FASTKD2: variants seen among roughly 807,000 people sequenced by gnomAD.
The protein encoded by FASTKD2 is FAST kinase domains 2.
In FASTKD2, 51 loss-of-function variants were observed where a neutral mutation model predicts 63.6. The ratio of observed to expected loss-of-function variants is 0.80; its 90% CI spans 0.64 to 1.01. FASTKD2 has a LOEUF of 1.01. FASTKD2 is among the 50% of genes least tolerant of loss of function. The pLI, the probability that FASTKD2 is intolerant of heterozygous loss-of-function variation, is 0.00. For synonymous variants in FASTKD2, 284 were observed against 293.4 expected, an observed-to-expected ratio of 0.97 and a Z score of 0.33; for missense variants, 786 against 831.1, an observed-to-expected ratio of 0.95 and a Z score of 0.67.
chr2:206,778,796 G>A (rs1332356406), intron 7 of FASTKD2, among the ~76,000 whole-genome samples: 1 of 152,054 alleles, frequency 6.6e-6, no homozygotes, highest in Non-Finnish European at 1.5e-5. Flanking sequence ...ATCAGCCATG[G>A]CATTAGGTTC....
chr2:206,788,273 T>G, intron 9 of FASTKD2, 118 bp downstream of exon 9: 1 of 662,650 alleles, frequency 1.5e-6, no homozygotes, highest in Non-Finnish European at 2.6e-6. Flanking sequence ...CCTCTGGAAC[T>G]GGCCTGATTC....
At position 206,794,266 on chromosome 2, in the gene FASTKD2, A is replaced by G. The variant is rs539168590; in HGVS notation, c.*2464A>G. On this transcript the variant is annotated 3_prime_UTR_variant, in exon 12 of 12. Coordinates refer to ENST00000402774, the MANE Select transcript of FASTKD2 (RefSeq NM_001136193.2). ...CACATAGAAAAAAATTAGGAAATAT[A>G]TTAAATGCTCATTTTGTGTGAGATA... Among the ~76,000 whole-genome samples the G allele has an allele frequency of 9.8e-5, 15 of 152,354 alleles. No homozygotes were observed. The South Asian group carries it at 3.1e-3, about 32-fold the overall frequency.
intron 7 of FASTKD2, among the ~76,000 whole-genome samples, chr2:206,776,142 T>A (rs530798542): frequency 6.6e-6 from 1 of 151,240 alleles, no homozygotes; most frequent in Non-Finnish European, 1.5e-5. Flanking sequence ...ATATATATAA[T>A]ATATATATTA....
chr2:206,769,326 T>G (rs1689605549), intron 2 of FASTKD2, among the ~76,000 whole-genome samples: 1 of 152,230 alleles, frequency 6.6e-6, no homozygotes, highest in Admixed American at 6.5e-5. Flanking sequence ...ACTTTGTGAT[T>G]CATTGGTTAT....
At position 206,790,749 on chromosome 2, in the gene FASTKD2, G is replaced by T; in HGVS notation, c.2013+63G>T. The T allele has an allele frequency of 3.0e-6, 3 of 987,766 alleles. No individual in the cohort carries two copies. In the South Asian group the frequency reaches 3.8e-5, roughly 13 times the overall value. 61.2% of individuals were successfully genotyped at this position (987,766 alleles called of 1,614,324 possible). On this transcript the variant is annotated intron_variant, in intron 11 of 11. Coordinates refer to ENST00000402774, the MANE Select transcript of FASTKD2 (RefSeq NM_001136193.2). ...TGATGTACATTCTAACAGCTGCCAG[G>T]AATCTTGTGGTTGAGACTGGTTACT...
At chr2:206,791,642 A>T (rs751560000) in intron 11 of FASTKD2, 41 bp from the exon 12 acceptor site, 2 of 1,594,944 alleles carry the variant, frequency 1.3e-6, no homozygotes, top group Non-Finnish European at 1.7e-6. Flanking sequence ...TTTTGTTAGT[A>T]TCGTCTCACA....
At position 206,795,862 on chromosome 2, in the gene FASTKD2, G is replaced by A. The variant is rs1690436600; in HGVS notation, c.*4060G>A. Among the ~76,000 whole-genome samples, 1 of 152,190 alleles carries A rather than the reference G, an allele frequency of 6.6e-6. No individual in the cohort carries two copies. Among genetic ancestry groups the A allele is most frequent in the African/African-American group, 2.4e-5 (1 of 41,430 alleles). ...ATTGTGGCTAAAATAATGTGGCTCT[G>A]GAGCCAGCAATGGGCAGCATCTTCA... On this transcript the variant is annotated 3_prime_UTR_variant, in exon 12 of 12. Transcript: ENST00000402774.
chr2:206,792,030 T>C lies in FASTKD2; in HGVS notation c.*228T>C. The C allele has an allele frequency of 3.8e-6, 2 of 522,130 alleles. No homozygotes were observed. The highest frequency in any genetic ancestry group is 6.9e-6 in the Non-Finnish European group (2 of 290,968). 32.3% of individuals were successfully genotyped at this position (522,130 alleles called of 1,614,324 possible). A position where few individuals can be genotyped will look rare whatever the true frequency, so the allele number is the denominator to read the frequency against. On this transcript the variant is annotated 3_prime_UTR_variant, in exon 12 of 12. Coordinates refer to ENST00000402774, the MANE Select transcript of FASTKD2 (RefSeq NM_001136193.2). The stretch of plus-strand genomic sequence containing the variant: ...TTCCAACCACACCTATTCCCTCTAG[T>C]GCCCAGATATTTGATTTGTGAGCTG...
intron 1 of FASTKD2, among the ~76,000 whole-genome samples, chr2:206,766,000 C>T (rs115405650): frequency 0.013 from 2,009 of 152,098 alleles, 50 homozygotes; most frequent in African/African-American, 0.046. Flanking sequence ...ATCAGCCGGG[C>T]GCGGTGACTC....
intron 4 of FASTKD2, 61 bp downstream of exon 4, chr2:206,771,351 A>C: frequency 1.0e-6 from 1 of 990,700 alleles, no homozygotes; most frequent in Non-Finnish European, 1.6e-6. Flanking sequence ...ATAACCTGCT[A>C]TCACTGCCTG....
chr2:206,772,807 G>T (rs1003032606), intron 6 of FASTKD2, among the ~76,000 whole-genome samples: 1 of 152,142 alleles, frequency 6.6e-6, no homozygotes, highest in African/African-American at 2.4e-5. Flanking sequence ...ATAGGTGAAT[G>T]TAAGTGTTCT....
At chr2:206,770,900 A>G (rs1423744292) in intron 3 of FASTKD2, among the ~76,000 whole-genome samples, 1 of 152,116 alleles carries the variant, frequency 6.6e-6, no homozygotes, top group Non-Finnish European at 1.5e-5. Flanking sequence ...TGAGAGTAAA[A>G]CTTAACTCCC....
At chr2:206,788,548 A>G (rs1368336315) in intron 9 of FASTKD2, among the ~76,000 whole-genome samples, 1 of 151,978 alleles carries the variant, frequency 6.6e-6, no homozygotes, top group Non-Finnish European at 1.5e-5. Flanking sequence ...AGCCTGACCA[A>G]ATGGTAAAAT....
chr2:206,766,975 C>T lies in FASTKD2; in HGVS notation c.282C>T (p.Gly94=). The part of the protein sequence containing the change: ...FKSDVGFQTK[G]ISTLTALRIE... ...CAGATGTTGGCTTTCAAACAAAGGG[C>T]ATAAGCACTCTAACAGCCCTTAGAA... The change falls in exon 2 of 12, where the codon GGC becomes GGT. Residue 94 remains glycine (G), a synonymous_variant. Coordinates refer to ENST00000402774, the MANE Select transcript of FASTKD2 (RefSeq NM_001136193.2). 1 of 1,612,080 alleles carries T rather than the reference C, an allele frequency of 6.2e-7. No individual in the cohort carries two copies. Among genetic ancestry groups the T allele is most frequent in the Non-Finnish European group, 8.5e-7 (1 of 1,178,420 alleles).
chr2:206,786,459 A>AT (rs1228915953), intron 7 of FASTKD2, among the ~76,000 whole-genome samples: 1 of 152,090 alleles, frequency 6.6e-6, no homozygotes, highest in Non-Finnish European at 1.5e-5. Flanking sequence ...CTGTTTACCC[A>AT]TTTTTTTAAA....
Position 206,794,687 on chromosome 2 carries a change from C to G in FASTKD2, c.*2885C>G, listed in dbSNP as rs1377432705. On this transcript the variant is annotated 3_prime_UTR_variant, in exon 12 of 12. Coordinates refer to ENST00000402774, the MANE Select transcript of FASTKD2 (RefSeq NM_001136193.2). ...ATTGAAAATTTCATATATACATAGC[C>G]TAACAACTCTTCTTGTCATTGACAA... is the stretch of plus-strand genomic sequence containing the variant. 3.9e-5 allele frequency among the ~76,000 whole-genome samples: 6 copies of G among 152,286 alleles called. No individual in the cohort carries two copies. The East Asian group carries it at 9.6e-4, about 24-fold the overall frequency.
chr2:206,772,078 GT>G, intron 5 of FASTKD2, 61 bp downstream of exon 5: 1 of 1,604,088 alleles, frequency 6.2e-7, no homozygotes, highest in African/African-American at 1.3e-5. Flanking sequence ...GACTATTTTT[GT>G]TTTGTTTTAA....
Position 206,767,756 on chromosome 2 carries a change from C to G in FASTKD2, c.777+286C>G, listed in dbSNP as rs190595756. On this transcript the variant is annotated intron_variant, in intron 2 of 11. Coordinates refer to ENST00000402774, the MANE Select transcript of FASTKD2 (RefSeq NM_001136193.2). Reference sequence around the variant, plus strand: ...AGAGATGCAAGATATACAAAGAAAGCCTGGGTAGTTGAAGAAGGAGAGAAG... The same window carrying G: ...AGAGATGCAAGATATACAAAGAAAGGCTGGGTAGTTGAAGAAGGAGAGAAG... 2.1e-3 allele frequency among the ~76,000 whole-genome samples: 312 copies of G among 152,090 alleles called. 2 individuals carry two copies. The highest frequency in any genetic ancestry group is 7.1e-3 in the African/African-American group (296 of 41,474).
Position 206,791,728 on chromosome 2 carries a change from A to G in FASTKD2, c.2059A>G (p.Thr687Ala). 1 of 1,612,000 alleles carries G rather than the reference A, an allele frequency of 6.2e-7. No individual in the cohort carries two copies. The highest frequency in any genetic ancestry group is 8.5e-7 in the Non-Finnish European group (1 of 1,178,266). ...MDKLEMEDAV[T>A]FLKTKIYSVE... is the part of the protein sequence containing the mutation. ...CAAACTAGAGATGGAAGATGCAGTCACATTTTTGAAGACTAAAATCTATTC... is the reference window on the plus strand; with the variant it reads ...CAAACTAGAGATGGAAGATGCAGTCGCATTTTTGAAGACTAAAATCTATTC... Residue 687 changes from threonine to alanine, a missense_variant, in exon 12 of 12, where the codon ACA (threonine) becomes GCA (alanine). Thr to Ala is a moderately conservative substitution (Grantham distance 58). Transcript: ENST00000402774.
Sources: gnomAD v4.1 joint callset for allele counts (sites outside exome capture counted in the v4.1 genomes callset) on GRCh38, gnomAD v4.1.1 for gene constraint, MANE v1.5 for transcripts, NCBI Gene and HGNC (gene_info 2026-07-23, HGNC 2026-07-21) for gene names.